AP1G1: variants seen among roughly 807,000 people sequenced by gnomAD.
The protein encoded by AP1G1 is AP-1 complex subunit gamma-1.
AP1G1 carries 7 observed loss-of-function variants against 108.3 expected under a neutral mutation model. That is an observed-to-expected ratio of 0.06 (90% CI 0.04 to 0.12). The LOEUF is 0.12. Among genes scored for constraint, AP1G1 ranks in the 10% least tolerant of loss-of-function variants. AP1G1 has a pLI of 1.00. For missense variants in AP1G1, 756 were observed against 1,010.7 expected, an observed-to-expected ratio of 0.75 and a Z score of 3.42; for synonymous variants, 379 against 353.5, an observed-to-expected ratio of 1.07 and a Z score of -0.81.
At chr16:71,802,164 A>G (rs1459602346) in intron 1 of AP1G1, among the ~76,000 whole-genome samples, 1 of 152,222 alleles carries the variant, frequency 6.6e-6, no homozygotes, top group Non-Finnish European at 1.5e-5. Flanking sequence ...AAGGAGTTCC[A>G]TTAGTGTTTT....
chr16:71,793,882 T>C (rs1359778234), intron 1 of AP1G1, among the ~76,000 whole-genome samples: 1 of 152,150 alleles, frequency 6.6e-6, no homozygotes. Flanking sequence ...GCTGACTGGC[T>C]GATTTTTGTA....
intron 9 of AP1G1, 103 bp from the exon 10 acceptor site, chr16:71,761,670 C>T: frequency 1.2e-6 from 1 of 864,062 alleles, no homozygotes; most frequent in East Asian, 2.5e-5. Context: ...TCACAGACTG[C>T]TAGCAAAAAA....
intron 2 of AP1G1, among the ~76,000 whole-genome samples, chr16:71,779,451 G>C (rs537854641): frequency 6.6e-5 from 10 of 151,690 alleles, no homozygotes; most frequent in Non-Finnish European, 1.3e-4. Flanking sequence ...AGCAGTTCTC[G>C]TGCCTCAACC....
Position 71,729,414 on chromosome 16 carries a change from G to A in AP1G1, c.*3644C>T, listed in dbSNP as rs1279486893. ...AAAACAAAACACACAAAGCGCAACC[G>A]CAGGTTCTTTGAGGGAAGAAAAAAA... On this transcript the variant is annotated 3_prime_UTR_variant, in exon 23 of 23. Coordinates refer to ENST00000299980, the MANE Select transcript of AP1G1 (RefSeq NM_001128.6). 1.5e-5 allele frequency: 2 copies of A among 129,528 alleles called. No individual in the cohort carries two copies. The highest frequency in any genetic ancestry group is 5.9e-5 in the African/African-American group (2 of 33,880). 8.0% of individuals were successfully genotyped at this position (129,528 alleles called of 1,614,324 possible).
rs904848352 is a variant in AP1G1, at chr16:71,785,664, C to G, written c.201+3615G>C. Among the ~76,000 whole-genome samples, 4 of 150,326 alleles carry G rather than the reference C, an allele frequency of 2.7e-5. No individual in the cohort carries two copies. In the Admixed American group the frequency reaches 2.7e-4, roughly 10 times the overall value. On this transcript the variant is annotated intron_variant, in intron 2 of 22. Coordinates refer to ENST00000299980, the MANE Select transcript of AP1G1 (RefSeq NM_001128.6). ...CTTTGGGAGGCCGAGGCGGGCAGATCACGAGGTCAGATCGAGACCACCCTG... is the reference window on the plus strand; with the variant it reads ...CTTTGGGAGGCCGAGGCGGGCAGATGACGAGGTCAGATCGAGACCACCCTG...
At chr16:71,807,039 T>G (rs1439732995) in intron 1 of AP1G1, among the ~76,000 whole-genome samples, 4 of 152,250 alleles carry the variant, frequency 2.6e-5, no homozygotes, top group Non-Finnish European at 5.9e-5. Flanking sequence ...ATTTCTCTTT[T>G]GCAGATGTGA....
intron 12 of AP1G1, 126 bp from the exon 13 acceptor site, chr16:71,754,013 G>C: frequency 2.4e-6 from 2 of 823,472 alleles, no homozygotes; most frequent in Non-Finnish European, 4.1e-6. Context: ...GCCGAGGTGG[G>C]AGATCACCTG....
Position 71,808,804 on chromosome 16 carries a change from C to CAGCAGCAGT in AP1G1, c.-46_-45insACTGCTGCT. On this transcript the variant is annotated 5_prime_UTR_variant, in exon 1 of 23. Transcript: ENST00000299980. ...ATGAAACCAGCAGCTCCGGGGGCGG[C>CAGCAGCAGT]GGCAGCAGTGGCAGCAGGAACCGAA... is the stretch of plus-strand genomic sequence containing the variant. 7.8e-7 allele frequency: 1 copy of CAGCAGCAGT among 1,289,664 alleles called. No individual in the cohort carries two copies. The highest frequency in any genetic ancestry group is 1.2e-5 in the South Asian group (1 of 81,000). 79.9% of individuals were successfully genotyped at this position (1,289,664 alleles called of 1,614,324 possible).
intron 21 of AP1G1, among the ~76,000 whole-genome samples, chr16:71,736,578 ATTTATTTATTTAT>A (rs1294282763): frequency 7.5e-6 from 1 of 133,762 alleles, no homozygotes; most frequent in African/African-American, 2.8e-5. Flanking sequence ...TTATTTATTT[ATTTATTTATTTAT>A]TTATTTATTT....
At chr16:71,750,894 C>T (rs188884835) in intron 13 of AP1G1, among the ~76,000 whole-genome samples, 2 of 151,714 alleles carry the variant, frequency 1.3e-5, no homozygotes, top group Admixed American at 6.6e-5. Flanking sequence ...TGGTGGCTCA[C>T]GCCTGTAATC....
At chr16:71,768,005 G>A (rs1757140727) in intron 6 of AP1G1, 3 of 1,200,630 alleles carry the variant, frequency 2.5e-6, no homozygotes, top group African/African-American at 1.5e-5. Flanking sequence ...AACATCTAAG[G>A]GAAAAAAAGC....
At chr16:71,771,288 T>C (rs569338680) in intron 4 of AP1G1, 36 bp from the exon 5 acceptor site, 1 of 1,309,694 alleles carries the variant, frequency 7.6e-7, no homozygotes. Context: ...AAAGGTTTAT[T>C]TCAATTATGC....
intron 1 of AP1G1, chr16:71,808,429 G>T: frequency 8.6e-7 from 1 of 1,168,678 alleles, no homozygotes; most frequent in Non-Finnish European, 1.1e-6. Flanking sequence ...GGCCCGCCCC[G>T]CTAAACCCCA....
intron 4 of AP1G1, among the ~76,000 whole-genome samples, chr16:71,772,188 T>C (rs1325386633): frequency 6.6e-6 from 1 of 151,494 alleles, no homozygotes; most frequent in Non-Finnish European, 1.5e-5. Flanking sequence ...TAGAGTACAA[T>C]GGCGCAATGT....
chr16:71,739,876 T>A (rs1597034661), intron 19 of AP1G1, among the ~76,000 whole-genome samples: 1 of 151,610 alleles, frequency 6.6e-6, no homozygotes, highest in African/African-American at 2.4e-5. Flanking sequence ...GATAACCCAA[T>A]TTAAAAGTGT....
At chr16:71,781,937 T>C (rs538247161) in intron 2 of AP1G1, among the ~76,000 whole-genome samples, 1 of 152,352 alleles carries the variant, frequency 6.6e-6, no homozygotes, top group South Asian at 2.1e-4. Context: ...GAGCCAGTGG[T>C]ATGAACTTTC....
chr16:71,802,191 G>A (rs1308142710), intron 1 of AP1G1, among the ~76,000 whole-genome samples: 1 of 152,110 alleles, frequency 6.6e-6, no homozygotes, highest in African/African-American at 2.4e-5. Context: ...TCAAGTTAGT[G>A]AACCTATTTA....
At chr16:71,806,010 T>C (rs1302009604) in intron 1 of AP1G1, among the ~76,000 whole-genome samples, 1 of 146,922 alleles carries the variant, frequency 6.8e-6, no homozygotes, top group Non-Finnish European at 1.5e-5. Flanking sequence ...AGTGAGACCC[T>C]GTCTCAAACA....
At chr16:71,750,391 T>A in intron 13 of AP1G1, 59 bp from the exon 14 acceptor site, 1 of 1,583,164 alleles carries the variant, frequency 6.3e-7, no homozygotes, top group Non-Finnish European at 8.6e-7. Context: ...ATAACAAGTG[T>A]TAGCTATTAT....
Sources: gnomAD v4.1 joint callset for allele counts (sites outside exome capture counted in the v4.1 genomes callset) on GRCh38, gnomAD v4.1.1 for gene constraint, MANE v1.5 for transcripts, NCBI Gene and HGNC (gene_info 2026-07-23, HGNC 2026-07-21) for gene names.